The following ASTN2 variants were observed in gnomAD, a reference collection of about 807,000 sequenced individuals.
The protein encoded by ASTN2 is astrotactin 2.
A neutral mutation model predicts 139.8 loss-of-function variants in ASTN2; 54 were observed. The ratio of observed to expected loss-of-function variants is 0.39; its 90% CI spans 0.31 to 0.48. The LOEUF is 0.48. ASTN2 is among the 20% of genes least tolerant of loss of function. The probability of loss-of-function intolerance (pLI) is 0.95; values close to 1 mark genes in which losing one functional copy is unlikely to be tolerated. For missense variants in ASTN2, 1,565 were observed against 1,725.1 expected (o/e 0.91, Z 1.64); for synonymous variants, 756 against 719.5 (o/e 1.05, Z -0.81).
At chr9:117,375,578 G>A (rs527733141) in intron 1 of ASTN2, among the ~76,000 whole-genome samples, 9 of 152,166 alleles carry the variant, frequency 5.9e-5, no homozygotes, top group Middle Eastern at 3.2e-3. Flanking sequence ...CGTATTGCAC[G>A]TGAGGAAATG....
At chr9:116,730,377 T>A (rs942564323) in intron 14 of ASTN2, among the ~76,000 whole-genome samples, 2 of 152,176 alleles carry the variant, frequency 1.3e-5, no homozygotes, top group Admixed American at 6.5e-5. Flanking sequence ...CTCCTTAGCC[T>A]TTTCAGGAAT....
intron 3 of ASTN2, among the ~76,000 whole-genome samples, chr9:117,164,091 A>G (rs1439493010): frequency 6.6e-6 from 1 of 152,128 alleles, no homozygotes; most frequent in Non-Finnish European, 1.5e-5. Flanking sequence ...TTTCATGCAT[A>G]AAGATCTGTC....
intron 13 of ASTN2, among the ~76,000 whole-genome samples, chr9:116,752,923 A>G (rs1829435879): frequency 6.6e-6 from 1 of 152,238 alleles, no homozygotes; most frequent in African/African-American, 2.4e-5. Flanking sequence ...TGGGAATGCA[A>G]AATGGTACAG....
Position 116,424,747 on chromosome 9 carries a change from A to AT in ASTN2, c.*1103dup, listed in dbSNP as rs958094766. On this transcript the variant is annotated 3_prime_UTR_variant, in exon 23 of 23. Transcript: ENST00000313400. ...CAGGCACGTGCCACCATGCCCTGCT[A>AT]TTTTTTATTTTTTGTATTGTTAGTA... 1.3e-5 allele frequency among the ~76,000 whole-genome samples: 2 copies of AT among 151,714 alleles called. No homozygotes were observed. Among genetic ancestry groups the AT allele is most frequent in the Non-Finnish European group, 2.9e-5 (2 of 67,920 alleles).
At chr9:116,790,832 G>A (rs1195053243) in intron 13 of ASTN2, among the ~76,000 whole-genome samples, 1 of 150,572 alleles carries the variant, frequency 6.6e-6, no homozygotes, top group African/African-American at 2.5e-5. Context: ...GCGCCACCAC[G>A]CTGGGCTAAT....
At chr9:117,353,421 T>G (rs1829446532) in intron 1 of ASTN2, among the ~76,000 whole-genome samples, 1 of 152,212 alleles carries the variant, frequency 6.6e-6, no homozygotes, top group Admixed American at 6.5e-5. Flanking sequence ...CTGGCTACTG[T>G]GTGCTGGGCA....
intron 19 of ASTN2, among the ~76,000 whole-genome samples, chr9:116,526,709 T>G (rs1851107841): frequency 6.6e-6 from 1 of 152,034 alleles, no homozygotes; most frequent in African/African-American, 2.4e-5. Context: ...AGAAATACAA[T>G]TTTTGATTCA....
rs529015065 is a variant in ASTN2, at chr9:116,729,101, G to A, written c.2522-5C>T. 2.5e-6 allele frequency: 4 copies of A among 1,573,950 alleles called. No individual in the cohort carries two copies. The highest frequency in any genetic ancestry group is 1.3e-5 in the African/African-American group (1 of 74,250). On this transcript the variant is annotated splice_region_variant and splice_polypyrimidine_tract_variant and intron_variant, in intron 14 of 22. Transcript: ENST00000313400. ...CCTCATCATACCTGATATCTCCTGG[G>A]AGAGAAAATAAGATGGTCACGTGAG...
At chr9:117,082,972 C>T (rs1175345167) in intron 5 of ASTN2, among the ~76,000 whole-genome samples, 2 of 152,188 alleles carry the variant, frequency 1.3e-5, no homozygotes, top group Non-Finnish European at 2.9e-5. Flanking sequence ...AGGTATAGTT[C>T]ATGAGTCTCC....
At chr9:117,162,310 G>A (rs576315324) in intron 3 of ASTN2, among the ~76,000 whole-genome samples, 1 of 152,096 alleles carries the variant, frequency 6.6e-6, no homozygotes, top group East Asian at 1.9e-4. Context: ...GTTCTCTCAG[G>A]ACTACTCATG....
At chr9:116,597,304 T>TGTTTTTTTTTTTTA (rs949074211) in intron 19 of ASTN2, among the ~76,000 whole-genome samples, 1 of 133,440 alleles carries the variant, frequency 7.5e-6, no homozygotes, top group African/African-American at 2.7e-5. Flanking sequence ...GATCTATTTT[T>TGTTTTTTTTTTTTA]TTTTTTTTTT....
intron 19 of ASTN2, among the ~76,000 whole-genome samples, chr9:116,599,526 G>A (rs138974811): frequency 9.2e-5 from 14 of 152,264 alleles, no homozygotes; most frequent in South Asian, 2.1e-4. Context: ...AAGCACCTGC[G>A]TTTAGTTCTG....
chr9:116,481,494 A>C (rs1364633408), intron 20 of ASTN2, among the ~76,000 whole-genome samples: 1 of 152,226 alleles, frequency 6.6e-6, no homozygotes, highest in African/African-American at 2.4e-5. Context: ...CTAATTTAAA[A>C]TTATGTGCAT....
intron 6 of ASTN2, among the ~76,000 whole-genome samples, chr9:117,028,746 C>A (rs1223994691): frequency 2.0e-5 from 3 of 152,186 alleles, no homozygotes; most frequent in African/African-American, 7.2e-5. Context: ...TGCATGACAG[C>A]AGTTTGGCCC....
At chr9:116,615,746 G>A (rs1032199951) in intron 19 of ASTN2, among the ~76,000 whole-genome samples, 5 of 147,120 alleles carry the variant, frequency 3.4e-5, no homozygotes, top group Non-Finnish European at 6.0e-5. Flanking sequence ...CAGGGGGGAC[G>A]GATAGCATTA....
At chr9:117,024,223 C>T (rs1837983653) in intron 6 of ASTN2, among the ~76,000 whole-genome samples, 2 of 152,212 alleles carry the variant, frequency 1.3e-5, no homozygotes, top group South Asian at 4.1e-4. Context: ...TATCTTCTAC[C>T]CAACTCCTCA....
intron 3 of ASTN2, among the ~76,000 whole-genome samples, chr9:117,174,618 A>G (rs1205731340): frequency 6.6e-6 from 1 of 151,960 alleles, no homozygotes; most frequent in Non-Finnish European, 1.5e-5. Context: ...AACTTAACAA[A>G]GATGTTAAAA....
chr9:117,329,791 A>G (rs1828642996), intron 1 of ASTN2, among the ~76,000 whole-genome samples: 1 of 152,206 alleles, frequency 6.6e-6, no homozygotes, highest in African/African-American at 2.4e-5. Context: ...AATAGCTACC[A>G]TTTATTGTTT....
intron 13 of ASTN2, among the ~76,000 whole-genome samples, chr9:116,756,338 C>T (rs1829531550): frequency 1.3e-5 from 2 of 152,086 alleles, no homozygotes; most frequent in Non-Finnish European, 2.9e-5. Context: ...CCTATCTAAA[C>T]CTCAATTTCC....
Sources: gnomAD v4.1 joint callset for allele counts (sites outside exome capture counted in the v4.1 genomes callset) on GRCh38, gnomAD v4.1.1 for gene constraint, MANE v1.5 for transcripts, NCBI Gene and HGNC (gene_info 2026-07-23, HGNC 2026-07-21) for gene names.